The following SLC25A26 variants were observed in gnomAD, a reference collection of about 807,000 sequenced individuals.
SLC25A26 encodes the protein solute carrier family 25 member 26.
A neutral mutation model predicts 37.8 loss-of-function variants in SLC25A26; 36 were observed. That is an observed-to-expected ratio of 0.95 (90% CI 0.73 to 1.26). SLC25A26 has a LOEUF of 1.26. SLC25A26 is among the 50% of genes most tolerant of loss of function. The pLI, the probability that SLC25A26 is intolerant of heterozygous loss-of-function variation, is 0.00. For synonymous variants in SLC25A26, 129 were observed against 122.5 expected (o/e 1.05, Z -0.35); for missense variants, 390 against 331.1 (o/e 1.18, Z -1.38).
intron 1 of SLC25A26, among the ~76,000 whole-genome samples, chr3:66,150,549 T>A (rs1181997176): frequency 3.3e-5 from 4 of 121,028 alleles, no homozygotes; most frequent in Admixed American, 9.4e-5. Flanking sequence ...ATATATAAAA[T>A]ATATATAATG....
At position 66,251,252 on chromosome 3, in the gene SLC25A26, G is replaced by C. The variant is rs994986622; in HGVS notation, c.300+7940G>C. ...ATTTTAAGAAAGTCCCCTGGCAGCT[G>C]TGTGGAGATAAGGAGACTATTAAAG... On this transcript the variant is annotated intron_variant, in intron 3 of 9. Coordinates refer to ENST00000354883, the MANE Select transcript of SLC25A26 (RefSeq NM_001379210.1). Among the ~76,000 whole-genome samples, 27 of 152,286 alleles carry C rather than the reference G, an allele frequency of 1.8e-4. No homozygotes were observed. In the East Asian group the frequency reaches 2.1e-3, roughly 12 times the overall value.
At chr3:66,156,457 A>G (rs997407910) in intron 1 of SLC25A26, among the ~76,000 whole-genome samples, 2 of 57,184 alleles carry the variant, frequency 3.5e-5, no homozygotes, top group South Asian at 1.0e-3. Flanking sequence ...TGATAGGGCC[A>G]GGGGTGGGAA....
At chr3:66,146,998 C>T (rs1231171685) in intron 1 of SLC25A26, among the ~76,000 whole-genome samples, 1 of 151,008 alleles carries the variant, frequency 6.6e-6, no homozygotes, top group African/African-American at 2.4e-5. Flanking sequence ...CTGCAAATGA[C>T]ATTGTTTCAT....
Position 66,377,664 on chromosome 3 carries a change from A to G in SLC25A26, c.708-26A>G, listed in dbSNP as rs776464366. ...AACCTTTTTTTAAAATACGCACAACATTAAAAATCCTGTTTTTTCCCCTAG... is the reference window on the plus strand; with the variant it reads ...AACCTTTTTTTAAAATACGCACAACGTTAAAAATCCTGTTTTTTCCCCTAG... On this transcript the variant is annotated intron_variant, in intron 9 of 9. Transcript: ENST00000354883. 5.7e-6 allele frequency: 9 copies of G among 1,573,018 alleles called. No homozygotes were observed. In the South Asian group the frequency reaches 8.9e-5, roughly 16 times the overall value.
chr3:66,210,383 A>C (rs2071268244), intron 1 of SLC25A26, among the ~76,000 whole-genome samples: 1 of 152,150 alleles, frequency 6.6e-6, no homozygotes, highest in Admixed American at 6.5e-5. Context: ...AAGCCACATT[A>C]AGTTGAACTG....
chr3:66,163,166 C>T lies in SLC25A26; in HGVS notation c.-354+29182C>T, dbSNP rs150455445. Among the ~76,000 whole-genome samples, 1,040 of 152,292 alleles carry T rather than the reference C, an allele frequency of 6.8e-3. 10 individuals carry two copies. The highest frequency in any genetic ancestry group is 0.024 in the African/African-American group (998 of 41,548). On this transcript the variant is annotated intron_variant, in intron 1 of 10. Coordinates refer to the SLC25A26 transcript ENST00000676754. ...GCTGCTATTTGAGAGGCATTTACTG[C>T]CATAATTACAGCCATGATTTGGTGA...
chr3:66,206,591 TA>T (rs1252981119), intron 1 of SLC25A26, among the ~76,000 whole-genome samples: 1 of 152,204 alleles, frequency 6.6e-6, no homozygotes, highest in African/African-American at 2.4e-5. Context: ...GGGTAGGTAT[TA>T]TTTTTTGGGA....
At chr3:66,308,575 G>A (rs1167831163) in intron 5 of SLC25A26, among the ~76,000 whole-genome samples, 1 of 152,200 alleles carries the variant, frequency 6.6e-6, no homozygotes, top group East Asian at 1.9e-4. Context: ...GCCTTCTGCT[G>A]TGCCGGTTTT....
At chr3:66,318,376 G>A (rs1559693771) in intron 5 of SLC25A26, among the ~76,000 whole-genome samples, 1 of 152,170 alleles carries the variant, frequency 6.6e-6, no homozygotes, top group Admixed American at 6.5e-5. Flanking sequence ...TTTCAGGGAG[G>A]GGTAGCACAA....
At chr3:66,184,004 A>T (rs1185592981) in intron 1 of SLC25A26, among the ~76,000 whole-genome samples, 1 of 151,586 alleles carries the variant, frequency 6.6e-6, no homozygotes, top group Non-Finnish European at 1.5e-5. Flanking sequence ...TCTTACCCTT[A>T]CCCTTTCACA....
chr3:66,153,666 G>A (rs146627430), intron 1 of SLC25A26, among the ~76,000 whole-genome samples: 1 of 152,222 alleles, frequency 6.6e-6, no homozygotes, highest in Non-Finnish European at 1.5e-5. Flanking sequence ...AACATCTTGA[G>A]CCAGGAATGC....
intron 6 of SLC25A26, 128 bp from the exon 7 acceptor site, chr3:66,362,732 T>C (rs546136323): frequency 1.7e-5 from 9 of 537,516 alleles, no homozygotes; most frequent in Non-Finnish European, 2.6e-5. Context: ...AAGTCACTTA[T>C]GTCATCAGTA....
chr3:66,218,466 A>C (rs1014361613), upstream of SLC25A26, among the ~76,000 whole-genome samples: 1 of 152,158 alleles, frequency 6.6e-6, no homozygotes, highest in African/African-American at 2.4e-5. Flanking sequence ...TAGCCACTCT[A>C]GTGAGTTCTA....
At position 66,159,684 on chromosome 3, in the gene SLC25A26, C is replaced by T. The variant is rs2070330495; in HGVS notation, c.-354+25700C>T. Among the ~76,000 whole-genome samples, 5 of 152,306 alleles carry T rather than the reference C, an allele frequency of 3.3e-5. No homozygotes were observed. The South Asian group carries it at 1.0e-3, about 32-fold the overall frequency. The stretch of plus-strand genomic sequence containing the variant: ...CCAGATTAGTAAATCTTGGGAGATA[C>T]TTGTTCCAGGCATGTACTCGAAAAG... On this transcript the variant is annotated intron_variant, in intron 1 of 10. Transcript: ENST00000676754.
chr3:66,201,504 T>C (rs1278862959), intron 1 of SLC25A26, among the ~76,000 whole-genome samples: 2 of 152,096 alleles, frequency 1.3e-5, no homozygotes, highest in African/African-American at 2.4e-5. Context: ...TGGCTAATTT[T>C]TTATTTTTTT....
chr3:66,345,675 C>T (rs2076304716), intron 5 of SLC25A26, among the ~76,000 whole-genome samples: 1 of 152,136 alleles, frequency 6.6e-6, no homozygotes. Flanking sequence ...TCTCCCACCA[C>T]CCCTTACCTT....
chr3:66,362,729 T>G, intron 6 of SLC25A26, 131 bp from the exon 7 acceptor site: 3 of 533,046 alleles, frequency 5.6e-6, no homozygotes, highest in Non-Finnish European at 9.9e-6. Context: ...GGAAAGTCAC[T>G]TATGTCATCA....
intron 1 of SLC25A26, among the ~76,000 whole-genome samples, chr3:66,208,820 A>ATG (rs2071219880): frequency 7.3e-6 from 1 of 136,574 alleles, no homozygotes; most frequent in Non-Finnish European, 1.6e-5. Flanking sequence ...GTATATATAT[A>ATG]TACCTTTATA....
intron 5 of SLC25A26, among the ~76,000 whole-genome samples, chr3:66,265,475 A>G (rs1482211773): frequency 6.6e-6 from 1 of 152,222 alleles, no homozygotes; most frequent in African/African-American, 2.4e-5. Flanking sequence ...AGAAAATACA[A>G]GTGAGAACCT....
Sources: allele counts gnomAD v4.1 joint callset (sites outside exome capture counted in the v4.1 genomes callset), GRCh38; gene constraint gnomAD v4.1.1; transcripts MANE v1.5; gene names NCBI Gene and HGNC (gene_info 2026-07-23, HGNC 2026-07-21).